The following GALNT13 variants were observed in gnomAD, a reference collection of about 807,000 sequenced individuals.
The protein encoded by GALNT13 is polypeptide N-acetylgalactosaminyltransferase 13, also known as UDP-GalNAc:polypeptide N-acetylgalactosaminyltransferase 13.
A neutral mutation model predicts 64.2 loss-of-function variants in GALNT13; 28 were observed. That is an observed-to-expected ratio of 0.44 (90% confidence interval 0.32 to 0.60). GALNT13 has a LOEUF of 0.60. GALNT13 is among the 20% of genes least tolerant of loss of function. The pLI is 0.05. For missense variants in GALNT13, 577 were observed against 669.8 expected (o/e 0.86, Z 1.53); for synonymous variants, 214 against 224.6 (o/e 0.95, Z 0.42).
the GALNT13 span, among the ~76,000 whole-genome samples, chr2:153,360,796 A>G: frequency 1.3e-5 from 2 of 152,156 alleles, no homozygotes; most frequent in African/African-American, 4.8e-5. Context: ...TAAGGAGTCT[A>G]GTTCTGAGGA....
chr2:153,542,894 A>G, the GALNT13 span, among the ~76,000 whole-genome samples: 1 of 152,350 alleles, frequency 6.6e-6, no homozygotes, highest in East Asian at 1.9e-4. Flanking sequence ...TCTCATCAAT[A>G]AAAGTACACA....
chr2:153,250,017 A>G, the GALNT13 span, among the ~76,000 whole-genome samples: 5 of 152,366 alleles, frequency 3.3e-5, no homozygotes, highest in African/African-American at 9.6e-5. Context: ...CAACTGCAAC[A>G]GAAGCTAAAA....
chr2:153,512,784 T>A, the GALNT13 span, among the ~76,000 whole-genome samples: 2 of 152,176 alleles, frequency 1.3e-5, no homozygotes, highest in Non-Finnish European at 2.9e-5. Flanking sequence ...TTGTTGTTAT[T>A]ATTATTACTC....
At chr2:154,326,735 A>G (rs1257000176) in intron 9 of GALNT13, among the ~76,000 whole-genome samples, 1 of 152,148 alleles carries the variant, frequency 6.6e-6, no homozygotes, top group African/African-American at 2.4e-5. Flanking sequence ...ATTATCTTAA[A>G]TAAGAACTGA....
At chr2:153,877,545 C>T (rs1029846586) in intron 1 of GALNT13, among the ~76,000 whole-genome samples, 7 of 152,064 alleles carry the variant, frequency 4.6e-5, no homozygotes, top group African/African-American at 1.7e-4. Context: ...ATATTACAAG[C>T]AAAGCACCTC....
At chr2:153,870,183 G>A (rs1685834586), upstream of GALNT13, among the ~76,000 whole-genome samples, 1 of 152,080 alleles carries the variant, frequency 6.6e-6, no homozygotes, top group Non-Finnish European at 1.5e-5. Flanking sequence ...GGAATGGTGT[G>A]TTATGCACCA....
the GALNT13 span, among the ~76,000 whole-genome samples, chr2:153,442,298 G>A: frequency 9.2e-5 from 14 of 152,206 alleles, no homozygotes; most frequent in African/African-American, 2.4e-4. Flanking sequence ...GGATGAAGCC[G>A]ACTTGATCAT....
chr2:154,235,907 G>T, intron 4 of GALNT13: 1 of 254,782 alleles, frequency 3.9e-6, no homozygotes, highest in Non-Finnish European at 8.0e-6. Context: ...TGTGTGCATA[G>T]CCTAGGGAAA....
rs138254650 is a variant in GALNT13, at chr2:153,938,172, G to C, written c.-104-6222G>C. On this transcript the variant is annotated intron_variant, in intron 2 of 12. Coordinates refer to ENST00000392825, the MANE Select transcript of GALNT13 (RefSeq NM_052917.4). ...AATCCTTGAATATGTGAGGGTAGAG[G>C]GTATTGCATTCTTTAAAGGGACAGT... 2.7e-3 allele frequency among the ~76,000 whole-genome samples: 417 copies of C among 152,150 alleles called. 8 individuals carry two copies. In the East Asian group the frequency reaches 0.056, roughly 20 times the overall value.
intron 3 of GALNT13, among the ~76,000 whole-genome samples, chr2:153,945,893 G>T (rs892964957): frequency 3.9e-5 from 6 of 152,094 alleles, no homozygotes; most frequent in African/African-American, 1.2e-4. Context: ...TTGCATTTTA[G>T]ATTTTGACTA....
the GALNT13 span, among the ~76,000 whole-genome samples, chr2:153,672,611 A>G: frequency 2.7e-4 from 41 of 152,194 alleles, no homozygotes; most frequent in Non-Finnish European, 5.1e-4. Flanking sequence ...GAAAGATCTA[A>G]AATCAGCACC....
chr2:153,764,465 G>A, the GALNT13 span, among the ~76,000 whole-genome samples: 50,814 of 152,014 alleles, frequency 0.33, 8,945 homozygotes, highest in Non-Finnish European at 0.36. Context: ...GAATCTGGGA[G>A]GTGGAGGTTG....
At chr2:153,165,437 A>G in the GALNT13 span, among the ~76,000 whole-genome samples, 3 of 152,248 alleles carry the variant, frequency 2.0e-5, no homozygotes, top group Non-Finnish European at 4.4e-5. Flanking sequence ...TGCTACAAAC[A>G]GCCAGATTTA....
chr2:154,080,726 G>A (rs964220294), intron 3 of GALNT13, among the ~76,000 whole-genome samples: 1 of 151,456 alleles, frequency 6.6e-6, no homozygotes, highest in South Asian at 2.1e-4. Flanking sequence ...CTAATCCTTT[G>A]ACTATTCAAA....
At chr2:153,257,222 C>T in the GALNT13 span, among the ~76,000 whole-genome samples, 1 of 152,140 alleles carries the variant, frequency 6.6e-6, no homozygotes, top group Non-Finnish European at 1.5e-5. Flanking sequence ...TTTCCAGGTG[C>T]CGTCTGTCAC....
the GALNT13 span, among the ~76,000 whole-genome samples, chr2:153,461,166 T>C: frequency 4.6e-5 from 7 of 152,134 alleles, no homozygotes; most frequent in African/African-American, 1.7e-4. Context: ...TTTTGCTTCA[T>C]GTCTCACCAA....
intron 4 of GALNT13, among the ~76,000 whole-genome samples, chr2:154,208,963 C>A (rs552394503): frequency 6.6e-6 from 1 of 152,150 alleles, no homozygotes; most frequent in Non-Finnish European, 1.5e-5. Context: ...TTTAAGGATT[C>A]AGTAAGTAGG....
chr2:153,703,136 A>G, the GALNT13 span, among the ~76,000 whole-genome samples: 1,165 of 152,262 alleles, frequency 7.7e-3, 15 homozygotes, highest in African/African-American at 0.027. Context: ...AGCTTTTGCA[A>G]TGTGAAGCAT....
chr2:153,957,843 C>CT (rs1359758014), intron 3 of GALNT13, among the ~76,000 whole-genome samples: 2 of 152,030 alleles, frequency 1.3e-5, no homozygotes, highest in Admixed American at 1.3e-4. Context: ...TTTTCCTTTG[C>CT]TTTTTTCCCA....
Sources: gnomAD v4.1 joint callset for allele counts (sites outside exome capture counted in the v4.1 genomes callset) on GRCh38, gnomAD v4.1.1 for gene constraint, MANE v1.5 for transcripts, NCBI Gene and HGNC (gene_info 2026-07-23, HGNC 2026-07-21) for gene names.